OSBPL2: variants seen among roughly 807,000 people sequenced by gnomAD.
OSBPL2 encodes oxysterol-binding protein-related protein 2.
A neutral mutation model predicts 58.4 loss-of-function variants in OSBPL2; 18 were observed. The observed-to-expected ratio is 0.31, with a 90% CI of 0.21 to 0.46. The LOEUF (loss-of-function observed/expected upper bound fraction) is 0.46. Ranked by LOEUF, OSBPL2 falls within the 20% of genes least tolerant of loss-of-function variation. OSBPL2 has a pLI of 1.00. For missense variants in OSBPL2, 461 were observed against 616.5 expected (o/e 0.75, Z 2.67); for synonymous variants, 221 against 234.1 (o/e 0.94, Z 0.51).
At chr20:62,277,317 C>G (rs1982443778) in intron 6 of OSBPL2, among the ~76,000 whole-genome samples, 1 of 152,220 alleles carries the variant, frequency 6.6e-6, no homozygotes, top group Non-Finnish European at 1.5e-5. Context: ...AGAGAAGAAG[C>G]CTTGTGGGTG....
chr20:62,273,186 G>A, intron 5 of OSBPL2, 123 bp from the exon 6 acceptor site: 1 of 777,102 alleles, frequency 1.3e-6, no homozygotes, highest in Admixed American at 2.5e-5. Context: ...GGGGAAAACT[G>A]AAAACGCACA....
intron 6 of OSBPL2, among the ~76,000 whole-genome samples, chr20:62,276,968 G>A (rs954303902): frequency 6.6e-6 from 1 of 152,242 alleles, no homozygotes; most frequent in Admixed American, 6.5e-5. Flanking sequence ...GATAAATCAG[G>A]CCGGGCGTGG....
At chr20:62,258,405 C>T (rs1022301576) in intron 2 of OSBPL2, among the ~76,000 whole-genome samples, 2 of 152,184 alleles carry the variant, frequency 1.3e-5, no homozygotes, top group Non-Finnish European at 2.9e-5. Context: ...CTTCATTAGG[C>T]ATTTAATTTG....
At chr20:62,243,439 CCCTGCCCCGCAGCG>C (rs1289444077) in intron 1 of OSBPL2, among the ~76,000 whole-genome samples, 2,443 of 142,462 alleles carry the variant, frequency 0.017, 53 homozygotes, top group African/African-American at 0.063. Flanking sequence ...GCCCCGCAGC[CCCTGCCCCGCAGCG>C]CCTGCCCCGC....
intron 13 of OSBPL2, among the ~76,000 whole-genome samples, chr20:62,293,281 A>C (rs1003781989): frequency 6.6e-6 from 1 of 152,100 alleles, no homozygotes; most frequent in Non-Finnish European, 1.5e-5. Flanking sequence ...CCCAACACTA[A>C]GGACACCCCT....
In OSBPL2 at chr20:62,294,458, A is replaced by C. The variant is rs1430816467; in HGVS notation, c.*571A>C. The C allele has an allele frequency of 6.5e-6, 1 of 153,488 alleles. No homozygotes were observed. Among genetic ancestry groups the C allele is most frequent in the African/African-American group, 2.4e-5 (1 of 41,474 alleles). The allele number at this position is 153,488 out of a possible 1,614,324, so 9.5% of individuals were successfully genotyped here. ...CTGTATTTTTTAACAATCTTCAATAATGTAAAGATTACTTTTAAAATATTT... is the reference window on the plus strand; with the variant it reads ...CTGTATTTTTTAACAATCTTCAATACTGTAAAGATTACTTTTAAAATATTT... On this transcript the variant is annotated 3_prime_UTR_variant, in exon 14 of 14. Transcript: ENST00000313733.
intron 2 of OSBPL2, among the ~76,000 whole-genome samples, chr20:62,257,300 C>G (rs113900590): frequency 6.6e-6 from 1 of 152,180 alleles, no homozygotes; most frequent in East Asian, 1.9e-4. Context: ...CTGATTGTCC[C>G]GAGGCTGTGC....
chr20:62,279,069 C>A, intron 6 of OSBPL2, 88 bp from the exon 7 acceptor site: 1 of 1,155,534 alleles, frequency 8.7e-7, no homozygotes, highest in Non-Finnish European at 1.2e-6. Flanking sequence ...TCCCAGCGTC[C>A]TGTGAGGGGC....
intron 3 of OSBPL2, among the ~76,000 whole-genome samples, chr20:62,261,503 G>A (rs1262953184): frequency 6.6e-6 from 1 of 152,084 alleles, no homozygotes; most frequent in Admixed American, 6.5e-5. Context: ...ACGCCTGCTT[G>A]GTGGGTCCAC....
intron 4 of OSBPL2, among the ~76,000 whole-genome samples, chr20:62,264,039 T>C (rs868621708): frequency 7.1e-5 from 10 of 139,890 alleles, no homozygotes; most frequent in African/African-American, 2.5e-4. Flanking sequence ...CACTCCAGGC[T>C]GGGTGACAAG....
rs745362050 is a variant in OSBPL2 at position 62,273,396 on chromosome 20, G to T, written c.481G>T (p.Glu161Ter). ...PFNPLLGETY[E>*]LIREDLGFRF... ...TAATCCACTCTTGGGAGAAACGTAT[G>T]AATTAATCAGGTAAGGGGGGAAAGG... The change falls in exon 6 of 14, where the codon GAA becomes TAA. Residue 161 changes from glutamate (E) to a stop codon, truncating the protein, a stop_gained. Coordinates refer to ENST00000313733, the MANE Select transcript of OSBPL2 (RefSeq NM_144498.4). LOFTEE classifies it high-confidence loss of function. 1.3e-6 allele frequency: 2 copies of T among 1,599,224 alleles called. No individual in the cohort carries two copies. The highest frequency in any genetic ancestry group is 1.8e-5 in the Admixed American group (1 of 56,054).
At chr20:62,279,527 C>T in intron 7 of OSBPL2, 188 bp downstream of exon 7, 2 of 604,706 alleles carry the variant, frequency 3.3e-6, no homozygotes, top group Non-Finnish European at 5.8e-6. Context: ...GGGGTGCGTC[C>T]TCACGTCTGC....
At chr20:62,282,089 A>G in intron 9 of OSBPL2, 1 of 390,902 alleles carries the variant, frequency 2.6e-6, no homozygotes, top group Non-Finnish European at 4.7e-6. Context: ...GTATTTTTGA[A>G]TGTAGTTTCT....
rs556194306 is a variant in OSBPL2 at position 62,246,930 on chromosome 20, GT to G, written c.-129+8336del. ...ACTCTGATGCTCGTAGGTGACACTT[GT>G]TTCCCTTCCTGGTGCTCTGGCAACC... On this transcript the variant is annotated intron_variant, in intron 1 of 13. Transcript: ENST00000313733. Among the ~76,000 whole-genome samples, 295 of 152,314 alleles carry G rather than the reference GT, an allele frequency of 1.9e-3. 1 individual carries two copies. The highest frequency in any genetic ancestry group is 6.9e-3 in the African/African-American group (285 of 41,566).
intron 1 of OSBPL2, among the ~76,000 whole-genome samples, chr20:62,253,922 G>T (rs912071995): frequency 6.6e-6 from 1 of 152,076 alleles, no homozygotes; most frequent in South Asian, 2.1e-4. Flanking sequence ...CTCCCAAGTA[G>T]CTGGGATTAT....
intron 9 of OSBPL2, 68 bp from the exon 10 acceptor site, chr20:62,283,978 T>G (rs745945433): frequency 1.1e-4 from 157 of 1,453,308 alleles, no homozygotes; most frequent in Non-Finnish European, 1.4e-4. Flanking sequence ...TATTCCAGGG[T>G]GCCACATGTT....
chr20:62,271,742 G>A (rs1395893077), intron 4 of OSBPL2: 3 of 200,754 alleles, frequency 1.5e-5, no homozygotes, highest in South Asian at 1.1e-4. Context: ...GTGAGCCACC[G>A]TGCCCAGCCT....
At chr20:62,266,742 T>C (rs937933185) in intron 4 of OSBPL2, among the ~76,000 whole-genome samples, 3 of 152,240 alleles carry the variant, frequency 2.0e-5, no homozygotes, top group Admixed American at 1.3e-4. Context: ...TTATGTATAT[T>C]TAAAGGGTAA....
chr20:62,279,537 C>T, intron 7 of OSBPL2, 198 bp downstream of exon 7: 1 of 590,878 alleles, frequency 1.7e-6, no homozygotes, highest in South Asian at 2.1e-5. Context: ...CTCACGTCTG[C>T]AGTTGGAATT....
Sources: gnomAD v4.1 joint callset for allele counts (sites outside exome capture counted in the v4.1 genomes callset) on GRCh38, gnomAD v4.1.1 for gene constraint, MANE v1.5 for transcripts, NCBI Gene and HGNC (gene_info 2026-07-23, HGNC 2026-07-21) for gene names.